Variants in UBAP1L observed in about 807,000 individuals in gnomAD.
UBAP1L encodes ubiquitin-associated protein 1-like.
In UBAP1L, 32 loss-of-function variants were observed where a neutral mutation model predicts 32.1. The observed-to-expected ratio is 1.00, with a 90% CI of 0.75 to 1.34. The LOEUF is 1.34. Among genes scored for constraint, UBAP1L ranks in the 40% most tolerant of loss-of-function variants. UBAP1L has a pLI of 0.00. For missense variants in UBAP1L, 516 were observed against 540.5 expected, an observed-to-expected ratio of 0.95 and a Z score of 0.45; for synonymous variants, 243 against 250.2, an observed-to-expected ratio of 0.97 and a Z score of 0.27.
chr15:65,106,118 C>T lies in UBAP1L; in HGVS notation c.98G>A (p.Gly33Glu). 1 of 1,551,234 alleles carries T rather than the reference C, an allele frequency of 6.4e-7. No individual in the cohort carries two copies. The highest frequency in any genetic ancestry group is 8.7e-7 in the Non-Finnish European group (1 of 1,146,876). The change falls in exon 2 of 6, where the codon GGG becomes GAG. Residue 33 changes from glycine to glutamate, a missense_variant. Transcript: ENST00000559089. ...TACCATAGAACCCAGCAGAACTTCCCCGCAGGCCGGGACGCTGAGTTCTGG... is the reference window on the plus strand; with the variant it reads ...TACCATAGAACCCAGCAGAACTTCCTCGCAGGCCGGGACGCTGAGTTCTGG... ...PGPELSVPAC[G>E]EVLLGSMHDF...
At chr15:65,110,399 C>T (rs1177542874) in intron 1 of UBAP1L, among the ~76,000 whole-genome samples, 6 of 150,636 alleles carry the variant, frequency 4.0e-5, no homozygotes, top group African/African-American at 9.8e-5. Context: ...AAAACTTGGC[C>T]GGGCGTGGTG....
chr15:65,111,876 C>T (rs1431603280), intron 1 of UBAP1L, among the ~76,000 whole-genome samples: 3 of 146,154 alleles, frequency 2.1e-5, no homozygotes, highest in African/African-American at 7.7e-5. Flanking sequence ...CTGCAAGCTC[C>T]GTCCCCCGGG....
chr15:65,104,380 T>G lies in UBAP1L; in HGVS notation c.121-1696A>C, dbSNP rs150250558. Among the ~76,000 whole-genome samples the G allele has an allele frequency of 5.8e-3, 873 of 151,580 alleles. 5 individuals carry two copies. The highest frequency in any genetic ancestry group is 0.014 in the Middle Eastern group (4 of 294). ...AAAAAGAAAAAGAAAAGCCAGAAAC[T>G]CTGGAGACAAAAACATAAATAAGGA... On this transcript the variant is annotated intron_variant, in intron 2 of 5. Coordinates refer to ENST00000559089, the MANE Select transcript of UBAP1L (RefSeq NM_001163692.2).
intron 1 of UBAP1L, 22 bp downstream of exon 1, chr15:65,115,128 A>G (rs1375495039): frequency 6.6e-6 from 1 of 152,254 alleles, no homozygotes; most frequent in Non-Finnish European, 1.5e-5. Flanking sequence ...TTTAAATGGA[A>G]TAAGATATAC....
intron 4 of UBAP1L, 85 bp downstream of exon 4, chr15:65,099,420 T>C: frequency 7.1e-7 from 1 of 1,404,492 alleles, no homozygotes; most frequent in South Asian, 1.3e-5. Context: ...GTTGGGCCTA[T>C]GTCACAGCTC....
chr15:65,093,634 G>A (rs770765183), intron 5 of UBAP1L, among the ~76,000 whole-genome samples: 7 of 152,102 alleles, frequency 4.6e-5, no homozygotes, highest in Admixed American at 1.3e-4. Flanking sequence ...CTTCCCCTCC[G>A]ACCCCAGGGC....
chr15:65,104,563 G>A (rs2087283967), intron 2 of UBAP1L, among the ~76,000 whole-genome samples: 1 of 152,178 alleles, frequency 6.6e-6, no homozygotes, highest in Non-Finnish European at 1.5e-5. Context: ...CAAGCAATAG[G>A]AGAACGATAA....
chr15:65,109,821 A>G (rs1301950786), intron 1 of UBAP1L, among the ~76,000 whole-genome samples: 4 of 152,202 alleles, frequency 2.6e-5, no homozygotes, highest in Non-Finnish European at 5.9e-5. Context: ...GCTTCACAAT[A>G]TCAAGCGATG....
rs557716267 is a variant in UBAP1L, at chr15:65,109,265, C to T, written c.-173-2877G>A. Among the ~76,000 whole-genome samples, 61 of 151,222 alleles carry T rather than the reference C, an allele frequency of 4.0e-4. 2 individuals carry two copies. The East Asian group carries it at 0.011, about 27-fold the overall frequency. ...TTTGGAGGCCGAGGTGGGCGGATCACAAGGTCAGGAGATCGAGACCATTCT... is the reference window on the plus strand; with the variant it reads ...TTTGGAGGCCGAGGTGGGCGGATCATAAGGTCAGGAGATCGAGACCATTCT... On this transcript the variant is annotated intron_variant, in intron 1 of 5. Transcript: ENST00000559089.
rs549350776 is a variant in UBAP1L, at chr15:65,094,583, C to T, written c.910-7G>A. The T allele has an allele frequency of 1.2e-4, 180 of 1,549,892 alleles. 1 individual carries two copies. Among genetic ancestry groups the T allele is most frequent in the Admixed American group, 4.9e-4 (25 of 50,976 alleles). On this transcript the variant is annotated splice_polypyrimidine_tract_variant and splice_region_variant and intron_variant, in intron 4 of 5. Transcript: ENST00000559089. The surrounding 1 kb of genome is among the most constrained non-coding windows in gnomAD (Gnocchi z 4.2). The stretch of plus-strand genomic sequence containing the variant: ...CACTGAGGTAGCTGAGAAACTGGGC[C>T]GGAAGCGGGCAGAGAGGGAGGGAGG...
Position 65,104,560 on chromosome 15 carries a change from T to C in UBAP1L, c.120+1536A>G, listed in dbSNP as rs891843880. Among the ~76,000 whole-genome samples the C allele has an allele frequency of 4.6e-5, 7 of 152,112 alleles. No individual in the cohort carries two copies. In the East Asian group the frequency reaches 1.4e-3, roughly 29 times the overall value. On this transcript the variant is annotated intron_variant, in intron 2 of 5. Coordinates refer to ENST00000559089, the MANE Select transcript of UBAP1L (RefSeq NM_001163692.2). ...CTAATACGGGTGGCATCTCAAGCAA[T>C]AGGAGAACGATAAAGTTCTGGTCAA...
chr15:65,105,481 T>C, intron 2 of UBAP1L: 1 of 407,998 alleles, frequency 2.5e-6, no homozygotes, highest in East Asian at 5.5e-5. Flanking sequence ...AGACTCTGTC[T>C]GAAAAAAACA....
intron 4 of UBAP1L, chr15:65,098,623 C>A (rs1383230293): frequency 1.3e-5 from 2 of 152,126 alleles, no homozygotes; most frequent in African/African-American, 4.8e-5. Context: ...CTCTTGGAAC[C>A]AAGTAGGGTG....
At chr15:65,104,760 C>A in intron 2 of UBAP1L, 1 of 170,484 alleles carries the variant, frequency 5.9e-6, no homozygotes, top group South Asian at 1.1e-4. Flanking sequence ...GTAATCCCAG[C>A]ATTTTGGGAG....
chr15:65,093,377 C>G, intron 5 of UBAP1L, 146 bp from the exon 6 acceptor site: 1 of 954,610 alleles, frequency 1.0e-6, no homozygotes, highest in Non-Finnish European at 1.5e-6. Context: ...CTGGGCCACA[C>G]CTGCCACTTT....
intron 3 of UBAP1L, chr15:65,101,039 C>T (rs1430882254): frequency 6.6e-6 from 1 of 152,232 alleles, no homozygotes; most frequent in South Asian, 2.1e-4. Context: ...ATGCTCTAAA[C>T]AACCGTGTGA....
At chr15:65,109,518 A>C (rs1403268036) in intron 1 of UBAP1L, among the ~76,000 whole-genome samples, 2 of 151,178 alleles carry the variant, frequency 1.3e-5, no homozygotes, top group African/African-American at 2.4e-5. Context: ...TCCATTCATC[A>C]GAATATACCA....
chr15:65,095,915 C>A (rs1377770788), intron 4 of UBAP1L: 1 of 152,234 alleles, frequency 6.6e-6, no homozygotes, highest in Non-Finnish European at 1.5e-5. Flanking sequence ...TACAGCTAGA[C>A]CTGCTCTGAG....
chr15:65,093,293 G>A, intron 5 of UBAP1L, 62 bp from the exon 6 acceptor site: 1 of 1,466,088 alleles, frequency 6.8e-7, no homozygotes. Context: ...CAGCCATGGG[G>A]AGCCCCAGCT....
Sources: allele counts gnomAD v4.1 joint callset (sites outside exome capture counted in the v4.1 genomes callset), GRCh38; gene constraint gnomAD v4.1.1; non-coding constraint Gnocchi (gnomAD v3.1); transcripts MANE v1.5; gene names NCBI Gene and HGNC (gene_info 2026-07-23, HGNC 2026-07-21).